Variants in COL16A1 observed in about 807,000 individuals in gnomAD.
COL16A1 encodes collagen type XVI alpha 1 chain.
A neutral mutation model predicts 266.3 loss-of-function variants in COL16A1; 189 were observed. That is an observed-to-expected ratio of 0.71 (90% CI 0.63 to 0.80). The LOEUF (loss-of-function observed/expected upper bound fraction) is 0.80. Ranked by LOEUF, COL16A1 falls within the 30% of genes least tolerant of loss-of-function variation. The pLI, the probability that COL16A1 is intolerant of heterozygous loss-of-function variation, is 0.00. For missense variants in COL16A1, 1,928 were observed against 2,122.4 expected, an observed-to-expected ratio of 0.91 and a Z score of 1.80; for synonymous variants, 740 against 782.3, an observed-to-expected ratio of 0.95 and a Z score of 0.90.
chr1:31,675,580 G>A (rs1643114788), intron 42 of COL16A1, among the ~76,000 whole-genome samples: 1 of 152,148 alleles, frequency 6.6e-6, no homozygotes, highest in Admixed American at 6.5e-5. Context: ...ATTGAGCAGA[G>A]GGTCTTCCAT....
At chr1:31,687,124 G>A (rs955549787) in intron 26 of COL16A1, among the ~76,000 whole-genome samples, 1 of 152,216 alleles carries the variant, frequency 6.6e-6, no homozygotes, top group Non-Finnish European at 1.5e-5. Flanking sequence ...GCTCACGCCT[G>A]TAATCCCAGC....
intron 42 of COL16A1, 66 bp from the exon 43 acceptor site, chr1:31,675,377 C>T: frequency 6.3e-7 from 1 of 1,580,520 alleles, no homozygotes; most frequent in South Asian, 1.2e-5. Context: ...AGCCTGTTTC[C>T]TTCTCATCAT....
At chr1:31,684,334 C>T (rs909703744) in intron 31 of COL16A1, 103 bp from the exon 32 acceptor site, 17 of 1,445,606 alleles carry the variant, frequency 1.2e-5, no homozygotes, top group African/African-American at 8.6e-5. Flanking sequence ...AATGCTCCCA[C>T]GTCAGCCTGG....
intron 47 of COL16A1, among the ~76,000 whole-genome samples, chr1:31,671,955 C>T (rs1428066961): frequency 2.0e-5 from 3 of 152,306 alleles, no homozygotes; most frequent in Admixed American, 1.3e-4. Flanking sequence ...AGGGGAGAGA[C>T]GGACACTAAC....
At chr1:31,692,139 G>A (rs1394844295) in intron 16 of COL16A1, 72 bp from the exon 17 acceptor site, 9 of 1,605,086 alleles carry the variant, frequency 5.6e-6, no homozygotes, top group African/African-American at 4.0e-5. Flanking sequence ...CCATCTGGTG[G>A]AGGGACAACT....
In COL16A1 at chr1:31,698,368, G is replaced by T; in HGVS notation, c.390+115C>A. On this transcript the variant is annotated intron_variant, in intron 5 of 70. Coordinates refer to ENST00000373672, the MANE Select transcript of COL16A1 (RefSeq NM_001856.4). The surrounding 1 kb of genome is among the most constrained non-coding windows in gnomAD (Gnocchi z 4.1). Reference sequence around the variant, plus strand: ...CTGGTGGGCTGGGGACAGGCTTGAGGGTAGGCACAGGATGGAGCAGGGAGA... The same window carrying T: ...CTGGTGGGCTGGGGACAGGCTTGAGTGTAGGCACAGGATGGAGCAGGGAGA... 6.5e-7 allele frequency: 1 copy of T among 1,549,428 alleles called. No individual in the cohort carries two copies. Among genetic ancestry groups the T allele is most frequent in the Non-Finnish European group, 8.8e-7 (1 of 1,142,640 alleles).
chr1:31,690,319 G>T, intron 22 of COL16A1, 48 bp downstream of exon 22: 1 of 1,611,754 alleles, frequency 6.2e-7, no homozygotes, highest in South Asian at 1.1e-5. Context: ...TGTGCAGAAA[G>T]GGGGTCCCGT....
chr1:31,684,690 C>G, intron 30 of COL16A1, 60 bp from the exon 31 acceptor site: 2 of 1,607,272 alleles, frequency 1.2e-6, no homozygotes, highest in South Asian at 1.1e-5. Flanking sequence ...GGTTGCCCCC[C>G]TGGGACTCGC....
In COL16A1 at chr1:31,672,578, A is replaced by G. The variant is rs1242502735; in HGVS notation, c.3018+18T>C. ...GGGGCATGGGGCATGATCGGGGGAG[A>G]TAAGGCGAGGCACTCACCCGGGCCT... is the stretch of plus-strand genomic sequence containing the variant. On this transcript the variant is annotated intron_variant, in intron 46 of 70. Coordinates refer to ENST00000373672, the MANE Select transcript of COL16A1 (RefSeq NM_001856.4). The G allele has an allele frequency of 6.2e-7, 1 of 1,609,724 alleles. No individual in the cohort carries two copies. The highest frequency in any genetic ancestry group is 8.5e-7 in the Non-Finnish European group (1 of 1,177,204).
chr1:31,687,909 T>C (rs1315577920), intron 26 of COL16A1, among the ~76,000 whole-genome samples: 2 of 152,152 alleles, frequency 1.3e-5, no homozygotes, highest in African/African-American at 4.8e-5. Context: ...CTGCCATTTG[T>C]CTCCAATGCA....
chr1:31,653,759 A>G, intron 69 of COL16A1, 83 bp from the exon 70 acceptor site: 1 of 1,571,578 alleles, frequency 6.4e-7, no homozygotes, highest in South Asian at 1.2e-5. Flanking sequence ...ACACACACAC[A>G]CACACACACA....
Position 31,672,640 on chromosome 1 carries a change from G to T in COL16A1, c.2977-3C>A. 1 of 1,605,622 alleles carries T rather than the reference G, an allele frequency of 6.2e-7. No homozygotes were observed. Among genetic ancestry groups the T allele is most frequent in the Non-Finnish European group, 8.5e-7 (1 of 1,175,058 alleles). ...GGGCGCTCCAGTGACAAAAAGCACT[G>T]CAAGGGACAATGAGAGGCACATTGT... On this transcript the variant is annotated splice_region_variant and splice_polypyrimidine_tract_variant and intron_variant, in intron 45 of 70. Coordinates refer to ENST00000373672, the MANE Select transcript of COL16A1 (RefSeq NM_001856.4).
rs1394952329 is a variant in COL16A1, at chr1:31,691,201, G to A, written c.1424C>T (p.Pro475Leu). The part of the protein sequence containing the change: ...TPGDPGGPPG[P>L]KGDKGSSGIP... ...ACCTATGCTCACCTTGTCTCCCTTGGGGCCTGGTGGGCCACCTGGATCCCC... is the reference window on the plus strand; with the variant it reads ...ACCTATGCTCACCTTGTCTCCCTTGAGGCCTGGTGGGCCACCTGGATCCCC... Residue 475 changes from proline to leucine, a missense_variant, in exon 20 of 71, where the codon CCC (proline) becomes CTC (leucine). Coordinates refer to ENST00000373672, the MANE Select transcript of COL16A1 (RefSeq NM_001856.4). The A allele has an allele frequency of 3.1e-6, 5 of 1,613,972 alleles. No homozygotes were observed. The highest frequency in any genetic ancestry group is 3.4e-6 in the Non-Finnish European group (4 of 1,179,932).
In COL16A1 at chr1:31,662,364, C is replaced by T. The variant is rs1641750984; in HGVS notation, c.3651G>A (p.Leu1217=). The part of the protein sequence containing the change: ...GIQGPAGLDG[L]DGKDGKPGLR... ...AGCCAGGCTTGCCGTCCTTCCCATCCAAACCATCCAGACCGGCGGGGCCCT... is the reference window on the plus strand; with the variant it reads ...AGCCAGGCTTGCCGTCCTTCCCATCTAAACCATCCAGACCGGCGGGGCCCT... The change falls in exon 58 of 71, where the codon TTG becomes TTA. Residue 1217 remains leucine (L), a synonymous_variant. Transcript: ENST00000373672. The T allele has an allele frequency of 1.2e-6, 2 of 1,612,702 alleles. No homozygotes were observed. The highest frequency in any genetic ancestry group is 1.7e-5 in the Admixed American group (1 of 59,914).
rs186153533 is a variant in COL16A1 at position 31,695,822 on chromosome 1, G to A, written c.919-35C>T. ...GGGTGGGGGGTGTGGGAATGGGCAGGGAGCTCAGGGGGCCGAGCACTGTTT... is the reference window on the plus strand; with the variant it reads ...GGGTGGGGGGTGTGGGAATGGGCAGAGAGCTCAGGGGGCCGAGCACTGTTT... On this transcript the variant is annotated intron_variant, in intron 9 of 70. Transcript: ENST00000373672. 9,553 of 1,596,466 alleles carry A rather than the reference G, an allele frequency of 6.0e-3. 53 individuals are homozygous for A. Among genetic ancestry groups the A allele is most frequent in the South Asian group, 0.014 (1,226 of 90,566 alleles).
intron 44 of COL16A1, among the ~76,000 whole-genome samples, chr1:31,674,305 A>G (rs1642992689): frequency 6.6e-6 from 1 of 152,206 alleles, no homozygotes; most frequent in South Asian, 2.1e-4. Context: ...AAGTCCAGGA[A>G]CATAAGGGCC....
At chr1:31,699,327 A>G (rs1002780671) in intron 4 of COL16A1, among the ~76,000 whole-genome samples, 8 of 152,194 alleles carry the variant, frequency 5.3e-5, no homozygotes, top group African/African-American at 1.9e-4. Flanking sequence ...GCAAGGGTGG[A>G]AGGAGAGATA....
At position 31,698,406 on chromosome 1, in the gene COL16A1, C is replaced by T; in HGVS notation, c.390+77G>A. The T allele has an allele frequency of 6.3e-7, 1 of 1,591,886 alleles. No individual in the cohort carries two copies. The highest frequency in any genetic ancestry group is 8.6e-7 in the Non-Finnish European group (1 of 1,167,948). On this transcript the variant is annotated intron_variant, in intron 5 of 70. Coordinates refer to ENST00000373672, the MANE Select transcript of COL16A1 (RefSeq NM_001856.4). This position sits in a 1 kb window ranked among gnomAD's most constrained non-coding sequence, Gnocchi z 4.1. ...TGGAGCAGGGAGACCCCAGAAGTCA[C>T]AAGCCGGGATGAAAGGTGGGCTGGA...
In COL16A1 at chr1:31,674,721, C is replaced by T. The variant is rs78357550; in HGVS notation, c.2859+286G>A. Among the ~76,000 whole-genome samples the T allele has an allele frequency of 2.5e-3, 377 of 152,328 alleles. 9 individuals carry two copies. The East Asian group carries it at 0.063, about 26-fold the overall frequency. On this transcript the variant is annotated intron_variant, in intron 44 of 70. Coordinates refer to ENST00000373672, the MANE Select transcript of COL16A1 (RefSeq NM_001856.4). ...GGGTGACCCGGGTGCTACGGGGTCT[C>T]ATTGCCAGCTGCTGCGGGCAGGCTT...
Sources: gnomAD v4.1 joint callset for allele counts (sites outside exome capture counted in the v4.1 genomes callset) on GRCh38, gnomAD v4.1.1 for gene constraint, Gnocchi (gnomAD v3.1) non-coding constraint, MANE v1.5 for transcripts, NCBI Gene and HGNC (gene_info 2026-07-23, HGNC 2026-07-21) for gene names.